CYP39A1: variants seen among roughly 807,000 people sequenced by gnomAD.
CYP39A1 encodes cytochrome P450 family 39 subfamily A member 1, also known as 24-hydroxycholesterol 7-alpha-hydroxylase.
CYP39A1 carries 49 observed loss-of-function variants against 58.1 expected under a neutral mutation model. The observed-to-expected ratio is 0.84, with a 90% CI of 0.67 to 1.07. CYP39A1 has a LOEUF of 1.07. CYP39A1 is among the 50% of genes least tolerant of loss of function. CYP39A1 has a pLI of 0.00. For synonymous variants in CYP39A1, 209 were observed against 187.6 expected, an observed-to-expected ratio of 1.11 and a Z score of -0.93; for missense variants, 531 against 539.4, an observed-to-expected ratio of 0.98 and a Z score of 0.16.
intron 2 of CYP39A1, among the ~76,000 whole-genome samples, chr6:46,641,099 T>G (rs1439812862): frequency 6.6e-6 from 1 of 151,978 alleles, no homozygotes; most frequent in Non-Finnish European, 1.5e-5. Context: ...TATTAATATA[T>G]TTCATCTGTT....
At chr6:46,602,125 AT>A (rs1283694203) in intron 7 of CYP39A1, among the ~76,000 whole-genome samples, 1 of 152,138 alleles carries the variant, frequency 6.6e-6, no homozygotes, top group African/African-American at 2.4e-5. Flanking sequence ...TAGGTACTCT[AT>A]ATATTTTTAT....
chr6:46,609,455 C>G (rs1774075158), intron 7 of CYP39A1, among the ~76,000 whole-genome samples: 1 of 151,726 alleles, frequency 6.6e-6, no homozygotes, highest in Admixed American at 6.6e-5. Context: ...TATTGGGTAC[C>G]TAAAATCAGT....
chr6:46,620,985 G>A (rs903174976), intron 7 of CYP39A1, among the ~76,000 whole-genome samples: 5 of 152,062 alleles, frequency 3.3e-5, no homozygotes, highest in African/African-American at 4.8e-5. Flanking sequence ...TTCCAAAGTT[G>A]TTACATTCTA....
chr6:46,565,454 G>T (rs1364838582), intron 10 of CYP39A1, among the ~76,000 whole-genome samples: 1 of 150,926 alleles, frequency 6.6e-6, no homozygotes, highest in African/African-American at 2.4e-5. Flanking sequence ...AAGGGATAAG[G>T]GTAAGCTGAA....
At chr6:46,553,974 CT>C in intron 10 of CYP39A1, 120 bp from the exon 11 acceptor site, 1 of 663,678 alleles carries the variant, frequency 1.5e-6, no homozygotes, top group African/African-American at 1.8e-5. Flanking sequence ...ACAATATACT[CT>C]TTTCCTATTT....
At chr6:46,622,382 T>TTTTATTTATAAGTTTGA (rs1775009975) in intron 7 of CYP39A1, among the ~76,000 whole-genome samples, 1 of 152,092 alleles carries the variant, frequency 6.6e-6, no homozygotes, top group African/African-American at 2.4e-5. Flanking sequence ...GCATGTTACA[T>TTTTATTTATAAGTTTGA]GCACACAAAC....
Position 46,610,350 on chromosome 6 carries a change from C to T in CYP39A1, c.932-14230G>A, listed in dbSNP as rs137996468. ...TCTGGCCTTACTAATTTACATTTCA[C>T]GTATACAAAGAGATGGGGTCTCACT... is the stretch of plus-strand genomic sequence containing the variant. On this transcript the variant is annotated intron_variant, in intron 7 of 11. Coordinates refer to ENST00000275016, the MANE Select transcript of CYP39A1 (RefSeq NM_016593.5). Among the ~76,000 whole-genome samples, 172 of 152,104 alleles carry T rather than the reference C, an allele frequency of 1.1e-3. 1 individual carries two copies. Among genetic ancestry groups the T allele is most frequent in the African/African-American group, 4.1e-3 (169 of 41,484 alleles).
chr6:46,647,129 G>A (rs897877184), intron 1 of CYP39A1, among the ~76,000 whole-genome samples: 16 of 151,464 alleles, frequency 1.1e-4, no homozygotes, highest in African/African-American at 2.7e-4. Context: ...AAAGTTTATC[G>A]ATTTCAGGTT....
chr6:46,644,869 T>C (rs1762216268), intron 1 of CYP39A1, among the ~76,000 whole-genome samples: 1 of 152,234 alleles, frequency 6.6e-6, no homozygotes, highest in Admixed American at 6.5e-5. Context: ...ATGATTTTAA[T>C]TTGCATATCT....
chr6:46,608,904 G>A (rs1375221127), intron 7 of CYP39A1, among the ~76,000 whole-genome samples: 3 of 152,106 alleles, frequency 2.0e-5, no homozygotes, highest in Admixed American at 6.5e-5. Flanking sequence ...GTGAGCCATC[G>A]TGCCTGGCCT....
Position 46,643,145 on chromosome 6 carries a change from C to T in CYP39A1, c.178-847G>A, listed in dbSNP as rs1238137179. ...AGGGTTTGATAGCAGGGGTCTATGA[C>T]CTTGTTGGGAAAAAAAAGTCATCAT... is the stretch of plus-strand genomic sequence containing the variant. On this transcript the variant is annotated intron_variant, in intron 1 of 11. Coordinates refer to ENST00000275016, the MANE Select transcript of CYP39A1 (RefSeq NM_016593.5). 1.4e-4 allele frequency among the ~76,000 whole-genome samples: 21 copies of T among 152,044 alleles called. 1 individual carries two copies. The highest frequency in any genetic ancestry group is 1.4e-3 in the Admixed American group (21 of 15,248).
At chr6:46,621,793 T>TA (rs1347218878) in intron 7 of CYP39A1, among the ~76,000 whole-genome samples, 1 of 152,052 alleles carries the variant, frequency 6.6e-6, no homozygotes, top group Non-Finnish European at 1.5e-5. Context: ...GAGGAAGAAA[T>TA]ACACTCTCTA....
intron 10 of CYP39A1, among the ~76,000 whole-genome samples, chr6:46,575,458 C>G (rs1561959172): frequency 1.3e-5 from 2 of 152,204 alleles, no homozygotes; most frequent in East Asian, 3.8e-4. Context: ...AATTGCCCAG[C>G]CAAAGTGCTT....
chr6:46,565,386 G>A (rs1771219518), intron 10 of CYP39A1, among the ~76,000 whole-genome samples: 1 of 151,742 alleles, frequency 6.6e-6, no homozygotes, highest in South Asian at 2.1e-4. Flanking sequence ...TGGTAGAGTG[G>A]GAAGGTAGAT....
At chr6:46,624,202 A>G (rs1433266077) in intron 7 of CYP39A1, among the ~76,000 whole-genome samples, 1 of 152,096 alleles carries the variant, frequency 6.6e-6, no homozygotes, top group Non-Finnish European at 1.5e-5. Context: ...TTTATTTCCT[A>G]AAGCCACAAA....
At chr6:46,622,127 G>A (rs1194505518) in intron 7 of CYP39A1, among the ~76,000 whole-genome samples, 1 of 152,024 alleles carries the variant, frequency 6.6e-6, no homozygotes, top group Non-Finnish European at 1.5e-5. Flanking sequence ...AAAGGCAAAT[G>A]TGTCAGGACA....
chr6:46,564,085 TTGTTTTTTATTTTG>T (rs1188769908), intron 10 of CYP39A1, among the ~76,000 whole-genome samples: 1 of 139,204 alleles, frequency 7.2e-6, no homozygotes, highest in Admixed American at 7.1e-5. Context: ...GAGACCTAGT[TTGTTTTTTATTTTG>T]TATTTTTTTT....
intron 7 of CYP39A1, among the ~76,000 whole-genome samples, chr6:46,600,822 T>G (rs1246878895): frequency 6.6e-6 from 1 of 152,130 alleles, no homozygotes; most frequent in Non-Finnish European, 1.5e-5. Flanking sequence ...GAACCAGAAA[T>G]AGTAAGCATA....
At chr6:46,594,323 T>C (rs956064858) in intron 8 of CYP39A1, among the ~76,000 whole-genome samples, 3 of 151,968 alleles carry the variant, frequency 2.0e-5, no homozygotes, top group Non-Finnish European at 1.5e-5. Context: ...ATGACATTTT[T>C]ACAGAAATAG....
Sources: allele counts gnomAD v4.1 joint callset (sites outside exome capture counted in the v4.1 genomes callset), GRCh38; gene constraint gnomAD v4.1.1; transcripts MANE v1.5; gene names NCBI Gene and HGNC (gene_info 2026-07-23, HGNC 2026-07-21).